RBFOX1: variants seen among roughly 807,000 people sequenced by gnomAD.
RBFOX1 encodes the protein RNA binding fox-1 homolog 1, also known as RNA binding protein fox-1 homolog 1.
Under a neutral mutation model 57.7 loss-of-function variants are expected in RBFOX1, and 8 were observed. The observed-to-expected ratio is 0.14, with a 90% CI of 0.08 to 0.25. RBFOX1 has a LOEUF of 0.25. Among genes scored for constraint, RBFOX1 ranks in the 10% least tolerant of loss-of-function variants. The probability of loss-of-function intolerance (pLI) is 1.00; values close to 1 mark genes in which losing one functional copy is unlikely to be tolerated. For synonymous variants in RBFOX1, 326 were observed against 222.4 expected (o/e 1.47, Z -4.15); for missense variants, 611 against 548.5 (o/e 1.11, Z -1.14).
At chr16:5,928,791 G>C (rs919907135) in intron 4 of RBFOX1, among the ~76,000 whole-genome samples, 3 of 151,770 alleles carry the variant, frequency 2.0e-5, no homozygotes, top group African/African-American at 7.3e-5. Flanking sequence ...ACAGTTGTCT[G>C]ACCAGTTCTT....
chr16:5,590,999 T>C (rs904781740), intron 2 of RBFOX1, among the ~76,000 whole-genome samples: 1 of 151,944 alleles, frequency 6.6e-6, no homozygotes, highest in Non-Finnish European at 1.5e-5. Context: ...TCATTTAGCA[T>C]GTGATGTGAG....
chr16:7,474,222 A>G (rs12596052), intron 4 of RBFOX1, among the ~76,000 whole-genome samples: 143,353 of 152,156 alleles, frequency 0.94, 67,749 homozygotes, highest in East Asian at 1. Flanking sequence ...GGGAGGCGGA[A>G]GTTGCAGTGA....
At chr16:7,684,034 A>C (rs1281684299) in intron 14 of RBFOX1, among the ~76,000 whole-genome samples, 1 of 152,118 alleles carries the variant, frequency 6.6e-6, no homozygotes. Context: ...AGATAAGATG[A>C]AATTTTTCAG....
At chr16:6,368,584 C>G (rs1280075391) in intron 2 of RBFOX1, among the ~76,000 whole-genome samples, 3 of 152,200 alleles carry the variant, frequency 2.0e-5, no homozygotes, top group Admixed American at 2.0e-4. Flanking sequence ...ATGATCTGAG[C>G]TTCCACTCAT....
At chr16:7,282,350 C>G (rs2095562227) in intron 4 of RBFOX1, among the ~76,000 whole-genome samples, 1 of 152,170 alleles carries the variant, frequency 6.6e-6, no homozygotes, top group Admixed American at 6.5e-5. Context: ...GGCACAGGGT[C>G]TTAGGAATTC....
rs550277741 is a variant in RBFOX1, at chr16:7,150,549, C to T, written c.27+98451C>T. Among the ~76,000 whole-genome samples, 149 of 152,296 alleles carry T rather than the reference C, an allele frequency of 9.8e-4. 1 individual carries two copies. Among genetic ancestry groups the T allele is most frequent in the African/African-American group, 3.4e-3 (141 of 41,564 alleles). On this transcript the variant is annotated intron_variant, in intron 4 of 15. Coordinates refer to ENST00000550418, the MANE Select transcript of RBFOX1 (RefSeq NM_018723.4). The stretch of plus-strand genomic sequence containing the variant: ...AAGTAAGGGATGGCTACCGTGTGAT[C>T]AACTCTTAACAGATATTTTCTCTAT...
chr16:6,173,702 C>G (rs555925430), intron 1 of RBFOX1, among the ~76,000 whole-genome samples: 1 of 147,782 alleles, frequency 6.8e-6, no homozygotes, highest in African/African-American at 2.5e-5. Context: ...CTCTGCCTCT[C>G]GGGTTCAAGT....
rs150305386 is a variant in RBFOX1, at chr16:7,518,272, G to A, written c.153G>A (p.Glu51=). The A allele has an allele frequency of 1.2e-6, 2 of 1,614,100 alleles. No individual in the cohort carries two copies. Residue 51 remains glutamate, a synonymous_variant, in exon 5 of 16, where the codon GAG becomes GAA. Coordinates refer to ENST00000550418, the MANE Select transcript of RBFOX1 (RefSeq NM_018723.4). ...YTAPHPHPAP[E]YTGQTTVPEH... ...CCCCTCATCCCCACCCCGCGCCAGA[G>A]TACACAGGCCAGACCACGGTTCCCG...
At chr16:5,749,916 C>T (rs572497345) in intron 3 of RBFOX1, among the ~76,000 whole-genome samples, 15 of 152,192 alleles carry the variant, frequency 9.9e-5, no homozygotes, top group African/African-American at 1.9e-4. Context: ...TGAGGAGCTG[C>T]GTTCCTTTAG....
intron 1 of RBFOX1, among the ~76,000 whole-genome samples, chr16:6,225,158 C>T (rs1598530730): frequency 6.6e-6 from 1 of 151,718 alleles, no homozygotes; most frequent in Non-Finnish European, 1.5e-5. Context: ...TGAAGGTGAT[C>T]TTTAACAATG....
At chr16:7,114,398 A>G (rs184536408) in intron 4 of RBFOX1, among the ~76,000 whole-genome samples, 2 of 152,194 alleles carry the variant, frequency 1.3e-5, no homozygotes, top group Non-Finnish European at 2.9e-5. Flanking sequence ...GGAAGGAAGT[A>G]TATGCTCACT....
chr16:6,116,218 A>G (rs954959586), intron 1 of RBFOX1, among the ~76,000 whole-genome samples: 3 of 151,178 alleles, frequency 2.0e-5, no homozygotes, highest in Non-Finnish European at 2.9e-5. Context: ...GAGTTGAACA[A>G]TGAGAACACA....
chr16:6,005,690 C>T (rs2060681078), intron 4 of RBFOX1, among the ~76,000 whole-genome samples: 1 of 152,078 alleles, frequency 6.6e-6, no homozygotes, highest in East Asian at 1.9e-4. Flanking sequence ...TGCCAAATGC[C>T]CCTGGGGGAA....
At chr16:6,539,522 G>A (rs866842530) in intron 2 of RBFOX1, among the ~76,000 whole-genome samples, 9 of 152,046 alleles carry the variant, frequency 5.9e-5, no homozygotes, top group African/African-American at 2.2e-4. Context: ...GTACAGTCAG[G>A]TGCAGTGGCT....
intron 3 of RBFOX1, among the ~76,000 whole-genome samples, chr16:5,721,988 C>T (rs908763403): frequency 2.6e-5 from 4 of 152,178 alleles, no homozygotes; most frequent in African/African-American, 9.7e-5. Context: ...ATTTTGACCC[C>T]ATAGCACAAT....
chr16:7,035,945 G>C (rs1199147690), intron 3 of RBFOX1, among the ~76,000 whole-genome samples: 1 of 152,074 alleles, frequency 6.6e-6, no homozygotes, highest in East Asian at 1.9e-4. Flanking sequence ...AACCCTTTCA[G>C]ACAACTGAAC....
chr16:6,861,397 G>C (rs2058967956), intron 3 of RBFOX1, among the ~76,000 whole-genome samples: 1 of 152,060 alleles, frequency 6.6e-6, no homozygotes, highest in Admixed American at 6.5e-5. Flanking sequence ...GACCAGTCAA[G>C]CAGTTCCCTA....
chr16:7,306,512 A>G (rs1013024560), intron 4 of RBFOX1, among the ~76,000 whole-genome samples: 3 of 152,138 alleles, frequency 2.0e-5, no homozygotes, highest in Admixed American at 6.5e-5. Context: ...CTCCCCTGAA[A>G]GGACTTGCAC....
chr16:6,170,807 C>G (rs190115271), intron 1 of RBFOX1, among the ~76,000 whole-genome samples: 2 of 152,192 alleles, frequency 1.3e-5, no homozygotes, highest in African/African-American at 2.4e-5. Flanking sequence ...CCTGTGTTCT[C>G]TTTAGTACCG....
Sources: allele counts gnomAD v4.1 joint callset (sites outside exome capture counted in the v4.1 genomes callset), GRCh38; gene constraint gnomAD v4.1.1; transcripts MANE v1.5; gene names NCBI Gene and HGNC (gene_info 2026-07-23, HGNC 2026-07-21).